Variants in GABRB1 observed in about 807,000 individuals in gnomAD.
GABRB1 encodes gamma-aminobutyric acid receptor subunit beta-1.
Under a neutral mutation model 51.6 loss-of-function variants are expected in GABRB1, and 17 were observed. The ratio of observed to expected loss-of-function variants is 0.33; its 90% confidence interval spans 0.23 to 0.49. GABRB1 has a LOEUF of 0.49. Ranked by LOEUF, GABRB1 falls within the 20% of genes least tolerant of loss-of-function variation. The probability of loss-of-function intolerance (pLI) is 0.99; values close to 1 mark genes in which losing one functional copy is unlikely to be tolerated. For synonymous variants in GABRB1, 247 were observed against 218.9 expected (o/e 1.13, Z -1.14); for missense variants, 410 against 600.6 (o/e 0.68, Z 3.32).
chr4:47,241,876 TTTTA>T (rs1721537422), intron 4 of GABRB1, among the ~76,000 whole-genome samples: 1 of 152,072 alleles, frequency 6.6e-6, no homozygotes, highest in Non-Finnish European at 1.5e-5. Flanking sequence ...TATCATTTCT[TTTTA>T]TTTTTTATTT....
At chr4:47,331,033 C>G (rs986135515) in intron 5 of GABRB1, among the ~76,000 whole-genome samples, 3 of 152,160 alleles carry the variant, frequency 2.0e-5, no homozygotes, top group African/African-American at 7.2e-5. Flanking sequence ...GTAAATTGAA[C>G]TTCATGAATG....
chr4:47,106,284 A>G (rs1285293028), intron 3 of GABRB1, among the ~76,000 whole-genome samples: 1 of 152,076 alleles, frequency 6.6e-6, no homozygotes, highest in Non-Finnish European at 1.5e-5. Context: ...AAATTGAACA[A>G]CACAGTGAAG....
At chr4:47,227,494 A>G (rs780664954) in intron 4 of GABRB1, among the ~76,000 whole-genome samples, 29 of 152,168 alleles carry the variant, frequency 1.9e-4, no homozygotes, top group African/African-American at 3.1e-4. Flanking sequence ...AGAGTGAAGG[A>G]GGAAGAATTA....
chr4:47,019,627 CTTTCTTTCTT>C (rs1207988003), intron 1 of GABRB1, among the ~76,000 whole-genome samples: 4 of 87,646 alleles, frequency 4.6e-5, no homozygotes, highest in African/African-American at 1.5e-4. Flanking sequence ...CTTTCTCTCT[CTTTCTTTCTT>C]TCTTTCTTTC....
At position 47,406,728 on chromosome 4, in the gene GABRB1, G is replaced by A. The variant is rs775709875; in HGVS notation, c.882G>A (p.Arg294=). 10 of 1,613,996 alleles carry A rather than the reference G, an allele frequency of 6.2e-6. No homozygotes were observed. The African/African-American group carries it at 1.3e-4, about 22-fold the overall frequency. Residue 294 remains arginine, a synonymous_variant, in exon 8 of 9, where the codon AGG becomes AGA. Transcript: ENST00000295454. The part of the protein sequence containing the change: ...LTMTTISTHL[R]ETLPKIPYVK... ...TGACAACCATCAGCACCCACCTCAG[G>A]GAGACCCTGCCAAAGATCCCTTATG...
In GABRB1 at chr4:47,031,574, A is replaced by G; in HGVS notation, c.-78A>G. The G allele has an allele frequency of 8.1e-7, 1 of 1,232,066 alleles. No homozygotes were observed. Among genetic ancestry groups the G allele is most frequent in the Non-Finnish European group, 1.2e-6 (1 of 833,996 alleles). The allele number at this position is 1,232,066 out of a possible 1,614,324, so 76.3% of individuals were successfully genotyped here. A position where few individuals can be genotyped will look rare whatever the true frequency, so the allele number is the denominator to read the frequency against. ...CTGCGCATGCGCAGGTCCATTCGGG[A>G]ATTACTGCCCAGCAGCCGACTAAGT... On this transcript the variant is annotated 5_prime_UTR_variant, in exon 1 of 9. Coordinates refer to ENST00000295454, the MANE Select transcript of GABRB1 (RefSeq NM_000812.4).
At chr4:47,047,928 TGGAAGG>T (rs1424401503) in intron 3 of GABRB1, among the ~76,000 whole-genome samples, 6 of 152,106 alleles carry the variant, frequency 3.9e-5, no homozygotes, top group Non-Finnish European at 8.8e-5. Flanking sequence ...GAGAAGATGC[TGGAAGG>T]AACTACTAAC....
At chr4:47,410,286 G>A (rs761931165) in intron 8 of GABRB1, among the ~76,000 whole-genome samples, 1 of 152,158 alleles carries the variant, frequency 6.6e-6, no homozygotes, top group Non-Finnish European at 1.5e-5. Context: ...ACAGGGCAGA[G>A]TACTTTGTAT....
At chr4:47,274,338 TA>T (rs1188684244) in intron 4 of GABRB1, among the ~76,000 whole-genome samples, 1 of 152,184 alleles carries the variant, frequency 6.6e-6, no homozygotes, top group Non-Finnish European at 1.5e-5. Flanking sequence ...CATTTACAAT[TA>T]GTAATTAAAT....
At chr4:47,320,104 T>C in intron 4 of GABRB1, 23 bp from the exon 5 acceptor site, 1 of 1,487,512 alleles carries the variant, frequency 6.7e-7, no homozygotes, top group Non-Finnish European at 9.4e-7. Context: ...AATGTTTTCT[T>C]TTTTCTCTCT....
intron 7 of GABRB1, among the ~76,000 whole-genome samples, chr4:47,404,489 G>GCACGCA (rs1728501071): frequency 6.9e-6 from 1 of 145,550 alleles, no homozygotes; most frequent in Non-Finnish European, 1.5e-5. Flanking sequence ...ACACACGCAT[G>GCACGCA]CACACACACA....
At chr4:46,997,289 T>C (rs184666976) in intron 1 of GABRB1, among the ~76,000 whole-genome samples, 105 of 152,098 alleles carry the variant, frequency 6.9e-4, no homozygotes, top group African/African-American at 2.4e-3. Context: ...CCACCTTACA[T>C]AGTTACCTTT....
intron 4 of GABRB1, among the ~76,000 whole-genome samples, chr4:47,214,082 C>A (rs546472229): frequency 2.0e-5 from 3 of 152,072 alleles, no homozygotes; most frequent in African/African-American, 4.8e-5. Flanking sequence ...GCTAGTGTGC[C>A]TGTTACTGAC....
chr4:47,060,708 G>C (rs888802962), intron 3 of GABRB1, among the ~76,000 whole-genome samples: 2 of 152,024 alleles, frequency 1.3e-5, no homozygotes, highest in Non-Finnish European at 2.9e-5. Flanking sequence ...ATGAGTGTTG[G>C]CAGGCTAATA....
intron 5 of GABRB1, among the ~76,000 whole-genome samples, chr4:47,399,764 T>G (rs1186998518): frequency 1.3e-5 from 2 of 152,218 alleles, no homozygotes; most frequent in Non-Finnish European, 2.9e-5. Context: ...ATGCCTATAT[T>G]CTAGATGTTC....
Position 47,153,050 on chromosome 4 carries a change from G to A in GABRB1, c.241-8199G>A, listed in dbSNP as rs1030340378. Among the ~76,000 whole-genome samples, 18 of 152,002 alleles carry A rather than the reference G, an allele frequency of 1.2e-4. 1 individual carries two copies. The highest frequency in any genetic ancestry group is 7.9e-4 in the Admixed American group (12 of 15,242). ...TTGAAGTGACGGGAATTTCACGCAC[G>A]GAGCTGGTTACACAGGTGATGGAAG... On this transcript the variant is annotated intron_variant, in intron 3 of 8. Transcript: ENST00000295454.
At chr4:47,392,338 CTTTTT>C (rs5858067) in intron 5 of GABRB1, among the ~76,000 whole-genome samples, 1 of 130,852 alleles carries the variant, frequency 7.6e-6, no homozygotes, top group African/African-American at 2.9e-5. Context: ...TCCCTTCCAC[CTTTTT>C]TTTTTTTTTT....
chr4:47,127,200 G>C (rs1370087615), intron 3 of GABRB1, among the ~76,000 whole-genome samples: 1 of 151,682 alleles, frequency 6.6e-6, no homozygotes, highest in Non-Finnish European at 1.5e-5. Context: ...AATGAGAATA[G>C]TAGACTGAAG....
In GABRB1 at chr4:47,316,926, C is replaced by G. The variant is rs181795232; in HGVS notation, c.462-3201C>G. 3.3e-5 allele frequency among the ~76,000 whole-genome samples: 5 copies of G among 152,036 alleles called. No homozygotes were observed. The East Asian group carries it at 9.6e-4, about 29-fold the overall frequency. On this transcript the variant is annotated intron_variant, in intron 4 of 8. Coordinates refer to ENST00000295454, the MANE Select transcript of GABRB1 (RefSeq NM_000812.4). ...ACCATAATTCTCATCATAATCCCTG[C>G]TTTTATATGTATGTGCCCATTAAAA...
Sources: gnomAD v4.1 joint callset for allele counts (sites outside exome capture counted in the v4.1 genomes callset) on GRCh38, gnomAD v4.1.1 for gene constraint, MANE v1.5 for transcripts, NCBI Gene and HGNC (gene_info 2026-07-23, HGNC 2026-07-21) for gene names.